ZNF471: variants seen among roughly 807,000 people sequenced by gnomAD.
ZNF471 encodes zinc finger protein 471.
A neutral mutation model predicts 13.7 loss-of-function variants in ZNF471; 7 were observed. That is an observed-to-expected ratio of 0.51 (90% CI 0.29 to 0.96). The LOEUF (loss-of-function observed/expected upper bound fraction) is 0.96, where lower values mean the gene tolerates loss of function less well. Ranked by LOEUF, ZNF471 falls within the 40% of genes least tolerant of loss-of-function variation. The probability of loss-of-function intolerance (pLI) is 0.08; values close to 1 mark genes in which losing one functional copy is unlikely to be tolerated. For missense variants in ZNF471, 663 were observed against 743.3 expected, an observed-to-expected ratio of 0.89 and a Z score of 1.26; for synonymous variants, 218 against 235.6, an observed-to-expected ratio of 0.93 and a Z score of 0.68.
In ZNF471 at chr19:56,508,290, C is replaced by T. The variant is rs1193841083; in HGVS notation, c.-56+370C>T. On this transcript the variant is annotated intron_variant, in intron 1 of 4. Transcript: ENST00000308031. The surrounding 1 kb of genome is among the most constrained non-coding windows in gnomAD (Gnocchi z 4.7). The stretch of plus-strand genomic sequence containing the variant: ...GTCCAGTGTGAGACCAGGGTATGTT[C>T]GTGTGTGACAGAGCGAGACGGGCCA... 120 of 680,728 alleles carry T rather than the reference C, an allele frequency of 1.8e-4. No homozygotes were observed. Among genetic ancestry groups the T allele is most frequent in the Non-Finnish European group, 2.1e-4 (118 of 553,612 alleles). The allele number at this position is 680,728 out of a possible 1,614,324, so 42.2% of individuals were successfully genotyped here. A position where few individuals can be genotyped will look rare whatever the true frequency, so the allele number is the denominator to read the frequency against.
At chr19:56,513,095 A>G (rs1022976329) in intron 2 of ZNF471, among the ~76,000 whole-genome samples, 1 of 152,154 alleles carries the variant, frequency 6.6e-6, no homozygotes, top group Admixed American at 6.5e-5. Flanking sequence ...ACCATACACA[A>G]CAGAATTAGT....
intron 1 of ZNF471, among the ~76,000 whole-genome samples, chr19:56,509,609 G>C (rs916679214): frequency 6.6e-6 from 1 of 151,730 alleles, no homozygotes; most frequent in African/African-American, 2.4e-5. Flanking sequence ...TCTCCAGGTA[G>C]ATAGTGTCAG....
chr19:56,515,206 T>A (rs996666213), intron 2 of ZNF471, among the ~76,000 whole-genome samples: 1 of 152,192 alleles, frequency 6.6e-6, no homozygotes, highest in African/African-American at 2.4e-5. Flanking sequence ...CAGTTTTTTC[T>A]GTGGGAACAG....
At chr19:56,514,789 A>G (rs1020748774) in intron 2 of ZNF471, among the ~76,000 whole-genome samples, 2 of 152,178 alleles carry the variant, frequency 1.3e-5, no homozygotes, top group Non-Finnish European at 2.9e-5. Context: ...ACTGTTTGTA[A>G]GGAAGTCACT....
rs542049238 is a variant in ZNF471 at position 56,524,063 on chromosome 19, A to G, written c.257-261A>G. Among the ~76,000 whole-genome samples the G allele has an allele frequency of 6.6e-6, 1 of 152,164 alleles. No individual in the cohort carries two copies. The highest frequency in any genetic ancestry group is 1.9e-4 in the East Asian group (1 of 5,162). Reference sequence around the variant, plus strand: ...GGTCTTGAACTCCTGGGCTCAAGCAATCCACCTCAGCCTCCTAAAGTGCTG... The same window carrying G: ...GGTCTTGAACTCCTGGGCTCAAGCAGTCCACCTCAGCCTCCTAAAGTGCTG... On this transcript the variant is annotated intron_variant, in intron 4 of 4. Coordinates refer to ENST00000308031, the MANE Select transcript of ZNF471 (RefSeq NM_020813.4). The surrounding 1 kb of genome is among the most constrained non-coding windows in gnomAD (Gnocchi z 4.8).
chr19:56,510,121 G>A lies in ZNF471; in HGVS notation c.-55-1396G>A, dbSNP rs1032486859. On this transcript the variant is annotated intron_variant, in intron 1 of 4. Coordinates refer to ENST00000308031, the MANE Select transcript of ZNF471 (RefSeq NM_020813.4). The surrounding 1 kb of genome is among the most constrained non-coding windows in gnomAD (Gnocchi z 4.3). ...CTGGACTGGTAGGTTGTGAGAGGGT[G>A]TATCACAGTATGAAAAAGATTGGAG... is the stretch of plus-strand genomic sequence containing the variant. 1.4e-5 allele frequency: 14 copies of A among 985,382 alleles called. No individual in the cohort carries two copies. In the African/African-American group the frequency reaches 2.1e-4, roughly 15 times the overall value. 61.0% of individuals were successfully genotyped at this position (985,382 alleles called of 1,614,324 possible). A position where few individuals can be genotyped will look rare whatever the true frequency, so the allele number is the denominator to read the frequency against.
chr19:56,513,618 G>A (rs1368666010), intron 2 of ZNF471, among the ~76,000 whole-genome samples: 1 of 151,858 alleles, frequency 6.6e-6, no homozygotes, highest in East Asian at 1.9e-4. Context: ...TTTTCTTCCT[G>A]AATTCACTAC....
intron 3 of ZNF471, among the ~76,000 whole-genome samples, chr19:56,518,112 T>C (rs1485120554): frequency 6.6e-6 from 1 of 152,180 alleles, no homozygotes; most frequent in Non-Finnish European, 1.5e-5. Flanking sequence ...AAATAAAACA[T>C]TGTAGAGCCT....
intron 4 of ZNF471, among the ~76,000 whole-genome samples, chr19:56,523,784 T>C (rs371075597): frequency 6.6e-6 from 1 of 152,342 alleles, no homozygotes; most frequent in African/African-American, 2.4e-5. Context: ...ACTACTTCTC[T>C]AGGATTTCAT....
rs975856541 is a variant in ZNF471, at chr19:56,525,326, T to C, written c.1259T>C (p.Val420Ala). Residue 420 changes from valine (V) to alanine (A), a missense_variant, in exon 5 of 5, where the codon GTA (valine) becomes GCA (alanine). By Grantham distance (64) the Val-to-Ala change is moderately conservative. Coordinates refer to ENST00000308031, the MANE Select transcript of ZNF471 (RefSeq NM_020813.4). ...KTFSSGSSRT[V>A]HQRIHTGEKP... ...TTCAGCTCGGGTTCATCCCGTACTG[T>C]ACATCAGAGAATTCATACAGGAGAG... is the stretch of plus-strand genomic sequence containing the variant. The C allele has an allele frequency of 4.3e-6, 7 of 1,612,758 alleles. No individual in the cohort carries two copies. The East Asian group carries it at 6.7e-5, about 15-fold the overall frequency.
Position 56,525,797 on chromosome 19 carries a change from GA to G in ZNF471, c.1733del (p.Lys578ArgfsTer37). 1.9e-6 allele frequency: 3 copies of G among 1,614,176 alleles called. No individual in the cohort carries two copies. The highest frequency in any genetic ancestry group is 2.5e-6 in the Non-Finnish European group (3 of 1,180,028). ...GEKPYKCTEC[G>X]KAFSDSSSCA... ...AAACCCTATAAATGTACTGAATGTG[GA>G]AAGGCTTTTAGTGATAGCTCATCCT... On this transcript the variant is annotated frameshift_variant, in exon 5 of 5. Coordinates refer to ENST00000308031, the MANE Select transcript of ZNF471 (RefSeq NM_020813.4). LOFTEE classifies it low-confidence loss of function (END_TRUNC).
rs531255991 is a variant in ZNF471 at position 56,527,542 on chromosome 19, A to G, written c.*1594A>G. The G allele has an allele frequency of 1.1e-4, 16 of 152,338 alleles. 1 individual carries two copies. Among genetic ancestry groups the G allele is most frequent in the African/African-American group, 3.8e-4 (16 of 41,572 alleles). The allele number at this position is 152,338 out of a possible 1,614,324, so 9.4% of individuals were successfully genotyped here. A position where few individuals can be genotyped will look rare whatever the true frequency, so the allele number is the denominator to read the frequency against. ...ACAAACTCCTCTGAGCTAAAGGAGC[A>G]TGTTCTAACCCAATGCAAGGAAGCT... On this transcript the variant is annotated 3_prime_UTR_variant, in exon 5 of 5. Coordinates refer to ENST00000308031, the MANE Select transcript of ZNF471 (RefSeq NM_020813.4).
chr19:56,525,395 A>G lies in ZNF471; in HGVS notation c.1328A>G (p.His443Arg). 6.2e-7 allele frequency: 1 copy of G among 1,614,094 alleles called. No homozygotes were observed. Among genetic ancestry groups the G allele is most frequent in the Non-Finnish European group, 8.5e-7 (1 of 1,180,006 alleles). Reference protein sequence around the residue: ...CDICGKDFSHHASLTQHQRVH... With the variant: ...CDICGKDFSHRASLTQHQRVH... ...ATATGTGGGAAAGATTTTAGCCATCATGCATCACTCACTCAGCATCAAAGA... is the reference window on the plus strand; with the variant it reads ...ATATGTGGGAAAGATTTTAGCCATCGTGCATCACTCACTCAGCATCAAAGA... Residue 443 changes from histidine (H) to arginine (R), a missense_variant, in exon 5 of 5, where the codon CAT becomes CGT. Transcript: ENST00000308031.
chr19:56,517,404 G>A (rs541310775), intron 3 of ZNF471, among the ~76,000 whole-genome samples: 67 of 150,188 alleles, frequency 4.5e-4, no homozygotes, highest in African/African-American at 1.6e-3. Flanking sequence ...CTGGGTTCAC[G>A]CCATTCTCCT....
chr19:56,526,031 A>G lies in ZNF471; in HGVS notation c.*83A>G. Reference sequence around the variant, plus strand: ...AGATGTCCCACTGGATAAAAAACATATAAATGTAAGAAATGTAGAAAAACC... The same window carrying G: ...AGATGTCCCACTGGATAAAAAACATGTAAATGTAAGAAATGTAGAAAAACC... On this transcript the variant is annotated 3_prime_UTR_variant, in exon 5 of 5. Coordinates refer to ENST00000308031, the MANE Select transcript of ZNF471 (RefSeq NM_020813.4). The G allele has an allele frequency of 7.2e-7, 1 of 1,389,050 alleles. No homozygotes were observed. Among genetic ancestry groups the G allele is most frequent in the Non-Finnish European group, 9.7e-7 (1 of 1,034,478 alleles). 86.0% of individuals were successfully genotyped at this position (1,389,050 alleles called of 1,614,324 possible).
chr19:56,510,075 G>A lies in ZNF471; in HGVS notation c.-55-1442G>A. 1.0e-6 allele frequency: 1 copy of A among 985,540 alleles called. No individual in the cohort carries two copies. The highest frequency in any genetic ancestry group is 1.2e-6 in the Non-Finnish European group (1 of 829,998). The allele number at this position is 985,540 out of a possible 1,614,324, so 61.0% of individuals were successfully genotyped here. On this transcript the variant is annotated intron_variant, in intron 1 of 4. Coordinates refer to ENST00000308031, the MANE Select transcript of ZNF471 (RefSeq NM_020813.4). The surrounding 1 kb of genome is among the most constrained non-coding windows in gnomAD (Gnocchi z 4.3). ...GTGTGAGAGACCAATGGGTATGTGA[G>A]AGACTAGAGTATGTCTCTGTCTGGA...
chr19:56,509,951 C>T, intron 1 of ZNF471: 1 of 985,302 alleles, frequency 1.0e-6, no homozygotes, highest in Non-Finnish European at 1.2e-6. Flanking sequence ...TATGAGGCTC[C>T]CTGGAGTCTG....
rs1390129717 is a variant in ZNF471, at chr19:56,511,782, A to C, written c.33+178A>C. 3.1e-4 allele frequency among the ~76,000 whole-genome samples: 47 copies of C among 152,326 alleles called. No homozygotes were observed. The South Asian group carries it at 9.5e-3, about 31-fold the overall frequency. ...TAATGAGTGAGTAATAGCTTAGTAT[A>C]AAAAGTCATGGAGGTCCCTCTGAGA... is the stretch of plus-strand genomic sequence containing the variant. On this transcript the variant is annotated intron_variant, in intron 2 of 4. Coordinates refer to ENST00000308031, the MANE Select transcript of ZNF471 (RefSeq NM_020813.4).
At position 56,524,676 on chromosome 19, in the gene ZNF471, G is replaced by T; in HGVS notation, c.609G>T (p.Lys203Asn). Residue 203 changes from lysine (K) to asparagine (N), a missense_variant, in exon 5 of 5, where the codon AAG (lysine) becomes AAT (asparagine). Physicochemically the swap from Lys to Asn is moderately conservative, Grantham distance 94. Coordinates refer to ENST00000308031, the MANE Select transcript of ZNF471 (RefSeq NM_020813.4). This position sits in a 1 kb window ranked among gnomAD's most constrained non-coding sequence, Gnocchi z 4.8. ...VIKHKKVYVGKKLFKCNECDK... is the reference protein window; with the variant it reads ...VIKHKKVYVGNKLFKCNECDK... Reference sequence around the variant, plus strand: ...AACACAAGAAAGTCTATGTAGGAAAGAAGCTTTTTAAATGTAATGAATGTG... The same window carrying T: ...AACACAAGAAAGTCTATGTAGGAAATAAGCTTTTTAAATGTAATGAATGTG... 6.3e-7 allele frequency: 1 copy of T among 1,578,814 alleles called. No homozygotes were observed. Among genetic ancestry groups the T allele is most frequent in the Non-Finnish European group, 8.5e-7 (1 of 1,170,330 alleles).
Sources: allele counts gnomAD v4.1 joint callset (sites outside exome capture counted in the v4.1 genomes callset), GRCh38; gene constraint gnomAD v4.1.1; non-coding constraint Gnocchi (gnomAD v3.1); transcripts MANE v1.5; gene names NCBI Gene and HGNC (gene_info 2026-07-23, HGNC 2026-07-21).